The following SCCPDH variants were observed in gnomAD, a reference collection of about 807,000 sequenced individuals.
SCCPDH encodes the protein saccharopine dehydrogenase-like oxidoreductase.
SCCPDH carries 34 observed loss-of-function variants against 51.5 expected under a neutral mutation model. The ratio of observed to expected loss-of-function variants is 0.66; its 90% CI spans 0.50 to 0.88. SCCPDH has a LOEUF of 0.88. Among genes scored for constraint, SCCPDH ranks in the 40% least tolerant of loss-of-function variants. The probability of loss-of-function intolerance (pLI) is 0.00; values close to 1 mark genes in which losing one functional copy is unlikely to be tolerated. For missense variants in SCCPDH, 464 were observed against 527.1 expected (o/e 0.88, Z 1.17); for synonymous variants, 187 against 191.3 (o/e 0.98, Z 0.19).
chr1:246,757,455 G>T (rs1016091699), intron 5 of SCCPDH, among the ~76,000 whole-genome samples: 3 of 134,216 alleles, frequency 2.2e-5, no homozygotes, highest in African/African-American at 5.6e-5. Flanking sequence ...GGTAAGGGTT[G>T]GGGAAGCTGT....
intron 4 of SCCPDH, 130 bp from the exon 5 acceptor site, chr1:246,743,946 A>G: frequency 1.7e-6 from 1 of 575,410 alleles, no homozygotes; most frequent in Non-Finnish European, 3.1e-6. Context: ...TTGTCTGTAC[A>G]AATTTTCTGT....
intron 4 of SCCPDH, among the ~76,000 whole-genome samples, chr1:246,743,508 A>G (rs577273068): frequency 6.6e-6 from 1 of 150,690 alleles, no homozygotes; most frequent in African/African-American, 2.4e-5. Flanking sequence ...GCTTGATCCC[A>G]GGAGGTGGAG....
chr1:246,749,574 T>C (rs1170133255), intron 5 of SCCPDH, among the ~76,000 whole-genome samples: 1 of 152,174 alleles, frequency 6.6e-6, no homozygotes. Flanking sequence ...CTGGATTACA[T>C]TGGTTCAGCT....
chr1:246,759,186 G>A (rs780071142), intron 7 of SCCPDH, 35 bp downstream of exon 7: 2 of 1,108,132 alleles, frequency 1.8e-6, no homozygotes, highest in South Asian at 2.5e-5. Context: ...AATAAAGTGT[G>A]TGTTACAGTT....
chr1:246,764,846 CA>C (rs1181013288), intron 10 of SCCPDH, among the ~76,000 whole-genome samples: 1 of 152,150 alleles, frequency 6.6e-6, no homozygotes, highest in African/African-American at 2.4e-5. Flanking sequence ...GTACATTTTA[CA>C]GAACTATGCA....
intron 2 of SCCPDH, among the ~76,000 whole-genome samples, chr1:246,729,309 C>A (rs909454410): frequency 2.0e-5 from 3 of 152,180 alleles, no homozygotes; most frequent in Admixed American, 2.0e-4. Flanking sequence ...ATTTCCTAAT[C>A]CTAGCAAGCC....
At chr1:246,728,105 C>T (rs371514931) in intron 2 of SCCPDH, among the ~76,000 whole-genome samples, 32 of 152,166 alleles carry the variant, frequency 2.1e-4, no homozygotes, top group African/African-American at 7.2e-4. Context: ...TGCTGTTGTA[C>T]TGTGAAAAAG....
intron 2 of SCCPDH, among the ~76,000 whole-genome samples, chr1:246,732,665 G>T (rs2102980973): frequency 6.6e-6 from 1 of 152,274 alleles, no homozygotes; most frequent in South Asian, 2.1e-4. Flanking sequence ...TGGGATTACA[G>T]GCATGAGCCA....
chr1:246,757,344 CAAAA>C (rs10649597), intron 5 of SCCPDH, among the ~76,000 whole-genome samples: 1 of 77,448 alleles, frequency 1.3e-5, no homozygotes, highest in East Asian at 4.3e-4. Context: ...GACTCTGTCT[CAAAA>C]AAAAAAAAAA....
chr1:246,756,416 G>A (rs372678865), intron 5 of SCCPDH, among the ~76,000 whole-genome samples: 5 of 152,180 alleles, frequency 3.3e-5, no homozygotes, highest in African/African-American at 4.8e-5. Flanking sequence ...TTACATGTAC[G>A]TTGGCTTCAT....
intron 5 of SCCPDH, among the ~76,000 whole-genome samples, chr1:246,754,741 A>G (rs979445829): frequency 6.6e-6 from 1 of 152,198 alleles, no homozygotes; most frequent in African/African-American, 2.4e-5. Flanking sequence ...TACACTTTTC[A>G]TAGTATTCCT....
At chr1:246,743,581 CAAAA>C (rs530930261) in intron 4 of SCCPDH, among the ~76,000 whole-genome samples, 1 of 135,826 alleles carries the variant, frequency 7.4e-6, no homozygotes, top group East Asian at 2.2e-4. Context: ...GACTCTGTCT[CAAAA>C]AAAAAAAAGA....
chr1:246,739,437 G>A (rs116790775), intron 3 of SCCPDH, among the ~76,000 whole-genome samples: 2,359 of 152,298 alleles, frequency 0.015, 66 homozygotes, highest in African/African-American at 0.054. Flanking sequence ...CAAGGAAAGT[G>A]TGAGAAACCG....
intron 5 of SCCPDH, among the ~76,000 whole-genome samples, chr1:246,757,740 A>G (rs776066084): frequency 6.6e-6 from 1 of 152,220 alleles, no homozygotes; most frequent in Non-Finnish European, 1.5e-5. Flanking sequence ...TTGGAGGTAG[A>G]CGGGGAACCA....
chr1:246,758,914 A>G, intron 6 of SCCPDH, 120 bp from the exon 7 acceptor site: 1 of 736,606 alleles, frequency 1.4e-6, no homozygotes, highest in Non-Finnish European at 2.5e-6. Flanking sequence ...TCGGCCTCCC[A>G]AAGTGCTGGG....
chr1:246,759,889 A>G lies in SCCPDH; in HGVS notation c.814-68A>G. On this transcript the variant is annotated intron_variant, in intron 7 of 11. Coordinates refer to ENST00000366510, the MANE Select transcript of SCCPDH (RefSeq NM_016002.3). ...TGTGATGGAAGAGAAAGGTACAAGT[A>G]ACTAACATTCTTACTTGGTCCAAAA... 3 of 1,509,596 alleles carry G rather than the reference A, an allele frequency of 2.0e-6. No homozygotes were observed. The South Asian group carries it at 3.8e-5, about 19-fold the overall frequency. 93.5% of individuals were successfully genotyped at this position (1,509,596 alleles called of 1,614,324 possible).
chr1:246,751,866 G>A (rs932056576), intron 5 of SCCPDH, among the ~76,000 whole-genome samples: 13 of 148,280 alleles, frequency 8.8e-5, no homozygotes, highest in African/African-American at 3.2e-4. Flanking sequence ...CTCGCCTCCC[G>A]GGTTCATGCC....
chr1:246,758,239 A>G lies in SCCPDH; in HGVS notation c.578A>G (p.His193Arg). The change falls in exon 6 of 12, where the codon CAT becomes CGT. Residue 193 changes from histidine (H) to arginine (R), a missense_variant. Physicochemically the swap from His to Arg is conservative, Grantham distance 29. Coordinates refer to ENST00000366510, the MANE Select transcript of SCCPDH (RefSeq NM_016002.3). ...IHSGPEGLSI[H>R]DGTWKSAIYG... ...ATATTTTATTAGGGGTTGAGCATTC[A>G]TGATGGTACCTGGAAGTCAGCAATT... The G allele has an allele frequency of 1.9e-6, 3 of 1,596,312 alleles. No individual in the cohort carries two copies. Among genetic ancestry groups the G allele is most frequent in the Non-Finnish European group, 2.6e-6 (3 of 1,172,712 alleles).
At chr1:246,758,194 A>G in intron 5 of SCCPDH, 32 bp from the exon 6 acceptor site, 1 of 1,522,350 alleles carries the variant, frequency 6.6e-7, no homozygotes, top group South Asian at 1.3e-5. Flanking sequence ...CTACCCTTTC[A>G]TGTTTCTTTA....
Sources: allele counts gnomAD v4.1 joint callset (sites outside exome capture counted in the v4.1 genomes callset), GRCh38; gene constraint gnomAD v4.1.1; transcripts MANE v1.5; gene names NCBI Gene and HGNC (gene_info 2026-07-23, HGNC 2026-07-21).